The following TEX264 variants were observed in gnomAD, a reference collection of about 807,000 sequenced individuals.
TEX264 encodes testis expressed 264, ER-phagy receptor, also known as testis-expressed protein 264.
Under a neutral mutation model 23.4 loss-of-function variants are expected in TEX264, and 13 were observed. The ratio of observed to expected loss-of-function variants is 0.56; its 90% confidence interval spans 0.36 to 0.88. TEX264 has a LOEUF of 0.88. TEX264 is among the 40% of genes least tolerant of loss of function. TEX264 has a pLI of 0.01. For missense variants in TEX264, 340 were observed against 406.8 expected (o/e 0.84, Z 1.41); for synonymous variants, 159 against 170.0 (o/e 0.94, Z 0.50).
At chr3:51,690,694 C>A (rs946812326) in intron 3 of TEX264, among the ~76,000 whole-genome samples, 2 of 152,150 alleles carry the variant, frequency 1.3e-5, no homozygotes, top group Non-Finnish European at 2.9e-5. Flanking sequence ...CAAGGGAGGC[C>A]CTCTTGGCAT....
intron 3 of TEX264, among the ~76,000 whole-genome samples, chr3:51,694,849 C>T (rs1439313644): frequency 6.6e-6 from 1 of 152,216 alleles, no homozygotes. Flanking sequence ...GGCAAGGCCC[C>T]AGAGCACCAA....
At chr3:51,671,793 CG>C (rs1363858704) in intron 1 of TEX264, 1 of 152,330 alleles carries the variant, frequency 6.6e-6, no homozygotes, top group Non-Finnish European at 1.5e-5. Flanking sequence ...CTGCTAGCAC[CG>C]AAGTTTAGCC....
At chr3:51,694,017 T>TC (rs1702934136) in intron 3 of TEX264, among the ~76,000 whole-genome samples, 1 of 141,452 alleles carries the variant, frequency 7.1e-6, no homozygotes, top group African/African-American at 2.6e-5. Context: ...CTTCCTTCCT[T>TC]CCTTCCTTCC....
Position 51,673,283 on chromosome 3 carries a change from A to AT in TEX264, c.-34-983dup, listed in dbSNP as rs546434468. Among the ~76,000 whole-genome samples, 850 of 151,986 alleles carry AT rather than the reference A, an allele frequency of 5.6e-3. 8 individuals are homozygous for AT. Among genetic ancestry groups the AT allele is most frequent in the African/African-American group, 0.019 (790 of 41,432 alleles). ...TTTAAACAGTCTTCTCTGGGCTGTG[A>AT]TTTTTCCCCCCCGCCAGGCAACTCA... On this transcript the variant is annotated intron_variant, in intron 1 of 4. Coordinates refer to ENST00000341333, the MANE Select transcript of TEX264 (RefSeq NM_015926.6).
intron 3 of TEX264, among the ~76,000 whole-genome samples, chr3:51,696,688 G>A (rs1249307566): frequency 6.6e-6 from 1 of 152,226 alleles, no homozygotes; most frequent in Non-Finnish European, 1.5e-5. Context: ...GGGCCAGGGG[G>A]CAACTACAAG....
chr3:51,677,521 C>T (rs1702271145), intron 2 of TEX264, among the ~76,000 whole-genome samples: 1 of 152,170 alleles, frequency 6.6e-6, no homozygotes, highest in Non-Finnish European at 1.5e-5. Flanking sequence ...TGTGGGGAGG[C>T]AGTGAGGCTG....
At chr3:51,680,066 C>T (rs891987061) in intron 2 of TEX264, among the ~76,000 whole-genome samples, 1 of 152,222 alleles carries the variant, frequency 6.6e-6, no homozygotes. Flanking sequence ...AGGGCCCTGC[C>T]TCTACTTTCC....
In TEX264 at chr3:51,684,625, C is replaced by G. The variant is rs749392483; in HGVS notation, c.471C>G (p.Thr157=). ...GCCGTGTCCATCCTGCCTTGGACAC[C>G]TACATCAAGGTGAGGCACAGGCCTG... The part of the protein sequence containing the change: ...ATRRVHPALD[T]YIKERKLCAY... The change falls in exon 3 of 5, where the codon ACC becomes ACG. Residue 157 remains threonine, a synonymous_variant. Transcript: ENST00000341333. 3.1e-6 allele frequency: 5 copies of G among 1,613,960 alleles called. No homozygotes were observed. Among genetic ancestry groups the G allele is most frequent in the Admixed American group, 1.7e-5 (1 of 60,002 alleles).
At chr3:51,671,796 A>G (rs944269121) in intron 1 of TEX264, 1 of 152,276 alleles carries the variant, frequency 6.6e-6, no homozygotes, top group African/African-American at 2.4e-5. Context: ...CTAGCACCGA[A>G]GTTTAGCCCA....
chr3:51,679,906 C>T (rs1005593414), intron 2 of TEX264, among the ~76,000 whole-genome samples: 1 of 152,124 alleles, frequency 6.6e-6, no homozygotes, highest in African/African-American at 2.4e-5. Context: ...TGCCTGTCTC[C>T]GTGTGCCTTT....
Position 51,703,882 on chromosome 3 carries a change from G to A in TEX264, c.808G>A (p.Gly270Ser), listed in dbSNP as rs762861208. The A allele has an allele frequency of 5.5e-5, 88 of 1,612,082 alleles. No homozygotes were observed. The highest frequency in any genetic ancestry group is 1.7e-4 in the Middle Eastern group (1 of 6,060). Residue 270 changes from glycine to serine, a missense_variant, in exon 5 of 5, where the codon GGC becomes AGC. Physicochemically the swap from Gly to Ser is moderately conservative, Grantham distance 56. Transcript: ENST00000341333. This position sits in a 1 kb window ranked among gnomAD's most constrained non-coding sequence, Gnocchi z 4.8. ...EHSYSESGAS[G>S]SSFEELDLEG... ...CAGCTACAGCGAGTCAGGTGCCAGC[G>A]GCTCCTCTTTTGAGGAGCTGGACTT...
At chr3:51,700,215 A>G (rs1431845826) in intron 4 of TEX264, among the ~76,000 whole-genome samples, 1 of 152,122 alleles carries the variant, frequency 6.6e-6, no homozygotes, top group Non-Finnish European at 1.5e-5. Context: ...GGGCTGTCTC[A>G]GGCACAAGGG....
intron 3 of TEX264, among the ~76,000 whole-genome samples, chr3:51,693,953 ACTT>A (rs1213883312): frequency 6.6e-6 from 1 of 150,482 alleles, no homozygotes; most frequent in East Asian, 2.0e-4. Context: ...CCAGTTCCTC[ACTT>A]CTTTTGAGAT....
At chr3:51,679,008 A>G (rs371272396) in intron 2 of TEX264, among the ~76,000 whole-genome samples, 176 of 152,284 alleles carry the variant, frequency 1.2e-3, no homozygotes, top group African/African-American at 4.1e-3. Context: ...GCTGTGCAGC[A>G]GGTTAACTAT....
intron 4 of TEX264, among the ~76,000 whole-genome samples, chr3:51,701,522 G>A (rs1211527830): frequency 6.6e-6 from 1 of 152,024 alleles, no homozygotes. Context: ...ATGGTGTTTC[G>A]CCATATTGCC....
At chr3:51,679,921 A>G (rs569047787) in intron 2 of TEX264, among the ~76,000 whole-genome samples, 1 of 152,252 alleles carries the variant, frequency 6.6e-6, no homozygotes, top group East Asian at 1.9e-4. Flanking sequence ...GCCTTTGGGC[A>G]TAAGCTTCCC....
At chr3:51,689,604 CT>C (rs1702755043) in intron 3 of TEX264, among the ~76,000 whole-genome samples, 1 of 152,250 alleles carries the variant, frequency 6.6e-6, no homozygotes, top group Admixed American at 6.5e-5. Flanking sequence ...CCTGCTTCAC[CT>C]GGAGTAGTTC....
intron 3 of TEX264, chr3:51,694,582 C>T (rs532659706): frequency 1.3e-5 from 2 of 152,384 alleles, no homozygotes; most frequent in South Asian, 4.1e-4. Flanking sequence ...TGACTGTAGA[C>T]CCTTTATTTC....
intron 4 of TEX264, 47 bp downstream of exon 4, chr3:51,699,621 C>T (rs752745756): frequency 1.9e-6 from 3 of 1,597,290 alleles, no homozygotes; most frequent in Non-Finnish European, 2.6e-6. Context: ...GAGCTCCTCT[C>T]TTCTGGACTC....
Sources: gnomAD v4.1 joint callset for allele counts (sites outside exome capture counted in the v4.1 genomes callset) on GRCh38, gnomAD v4.1.1 for gene constraint, Gnocchi (gnomAD v3.1) non-coding constraint, MANE v1.5 for transcripts, NCBI Gene and HGNC (gene_info 2026-07-23, HGNC 2026-07-21) for gene names.